Variants in CEP162 observed in about 807,000 individuals in gnomAD.
The protein encoded by CEP162 is centrosomal protein of 162 kDa.
In CEP162, 141 loss-of-function variants were observed where a neutral mutation model predicts 169.2. The observed-to-expected ratio is 0.83, with a 90% confidence interval of 0.73 to 0.96. The LOEUF is 0.96. CEP162 is among the 40% of genes least tolerant of loss of function. The probability of loss-of-function intolerance (pLI) is 0.00; values close to 1 mark genes in which losing one functional copy is unlikely to be tolerated. For missense variants in CEP162, 1,600 were observed against 1,587.2 expected, an observed-to-expected ratio of 1.01 and a Z score of -0.14; for synonymous variants, 540 against 526.4, an observed-to-expected ratio of 1.03 and a Z score of -0.35.
At position 84,160,833 on chromosome 6, in the gene CEP162, T is replaced by C. The variant is rs756425944; in HGVS notation, c.2760A>G (p.Lys920=). ...RLKDKAADAK[K]IQDLERQVKE... Reference sequence around the variant, plus strand: ...ATACTTGTCGCTCCAGATCCTGAATTTTTTTGGCATCTGCTGCTTTATCTT... The same window carrying C: ...ATACTTGTCGCTCCAGATCCTGAATCTTTTTGGCATCTGCTGCTTTATCTT... Residue 920 remains lysine, a synonymous_variant, in exon 21 of 27, where the codon AAA becomes AAG. Coordinates refer to ENST00000403245, the MANE Select transcript of CEP162 (RefSeq NM_014895.4). The C allele has an allele frequency of 6.2e-7, 1 of 1,610,792 alleles. No individual in the cohort carries two copies. The highest frequency in any genetic ancestry group is 8.5e-7 in the Non-Finnish European group (1 of 1,177,228).
rs577105847 is a variant in CEP162, at chr6:84,190,055, A to G, written c.1110-3432T>C. 2.8e-3 allele frequency among the ~76,000 whole-genome samples: 415 copies of G among 146,458 alleles called. 5 individuals are homozygous for G. The highest frequency in any genetic ancestry group is 9.7e-3 in the African/African-American group (370 of 38,288). ...CTCAAGGTTTGTGACTGCACCAATC[A>G]ACACTCTGTATCTAGCTGCTCTGGT... On this transcript the variant is annotated intron_variant, in intron 11 of 26. Transcript: ENST00000403245.
At position 84,194,894 on chromosome 6, in the gene CEP162, A is replaced by G. The variant is rs774857632; in HGVS notation, c.1017T>C (p.Thr339=). Residue 339 remains threonine (T), a synonymous_variant, in exon 10 of 27, where the codon ACT becomes ACC. Transcript: ENST00000403245. The part of the protein sequence containing the change: ...ENEENSKNIS[T]MESDLPTVEE... Reference sequence around the variant, plus strand: ...TCTGTAAGTTTTTACCAGATTCCATAGTAGAGATGTTTTTTGAATTCTCTT... The same window carrying G: ...TCTGTAAGTTTTTACCAGATTCCATGGTAGAGATGTTTTTTGAATTCTCTT... 15 of 1,605,978 alleles carry G rather than the reference A, an allele frequency of 9.3e-6. No homozygotes were observed. In the South Asian group the frequency reaches 1.6e-4, roughly 17 times the overall value.
intron 6 of CEP162, among the ~76,000 whole-genome samples, chr6:84,206,735 C>G (rs1211451871): frequency 6.6e-6 from 1 of 151,952 alleles, no homozygotes; most frequent in Non-Finnish European, 1.5e-5. Flanking sequence ...CTAATTAAAC[C>G]AAAGAGCTTC....
At chr6:84,205,149 A>C (rs562363479) in intron 6 of CEP162, among the ~76,000 whole-genome samples, 2 of 152,302 alleles carry the variant, frequency 1.3e-5, no homozygotes, top group East Asian at 3.9e-4. Flanking sequence ...AGAGGTACAA[A>C]GAGGAGCTGG....
At chr6:84,192,844 T>A (rs1436002594) in intron 11 of CEP162, among the ~76,000 whole-genome samples, 2 of 152,212 alleles carry the variant, frequency 1.3e-5, no homozygotes, top group Admixed American at 1.3e-4. Flanking sequence ...TTCTTGTCTA[T>A]GAAATAGGGA....
In CEP162 at chr6:84,174,169, G is replaced by A; in HGVS notation, c.2045C>T (p.Thr682Ile). The change falls in exon 16 of 27, where the codon ACA (threonine) becomes ATA (isoleucine). Residue 682 changes from threonine to isoleucine, a missense_variant. Transcript: ENST00000403245. ...LQAKLSSFEE[T>I]NKKQRWLHFG... Reference sequence around the variant, plus strand: ...ATGTAACCACCTTTGTTTTTTGTTTGTTTCTTCAAAGCTGCTTAACTTGGA... The same window carrying A: ...ATGTAACCACCTTTGTTTTTTGTTTATTTCTTCAAAGCTGCTTAACTTGGA... 6.2e-7 allele frequency: 1 copy of A among 1,605,862 alleles called. No homozygotes were observed. Among genetic ancestry groups the A allele is most frequent in the Middle Eastern group, 1.7e-4 (1 of 6,046 alleles).
At chr6:84,216,014 G>A in intron 3 of CEP162, 92 bp from the exon 4 acceptor site, 2 of 1,386,884 alleles carry the variant, frequency 1.4e-6, no homozygotes, top group Non-Finnish European at 1.9e-6. Flanking sequence ...TGCTAATTTT[G>A]TGCACAGTAG....
chr6:84,179,018 C>G (rs904597994), intron 13 of CEP162, among the ~76,000 whole-genome samples: 2 of 152,146 alleles, frequency 1.3e-5, no homozygotes, highest in Non-Finnish European at 2.9e-5. Flanking sequence ...GCATAGTATT[C>G]CATGGTGTAT....
intron 23 of CEP162, among the ~76,000 whole-genome samples, chr6:84,151,835 T>C (rs942782044): frequency 6.6e-6 from 1 of 151,820 alleles, no homozygotes; most frequent in African/African-American, 2.4e-5. Context: ...AAGGAGAAAA[T>C]GCCCCTGGAC....
At chr6:84,162,179 C>A (rs2129209836) in intron 19 of CEP162, among the ~76,000 whole-genome samples, 1 of 152,124 alleles carries the variant, frequency 6.6e-6, no homozygotes, top group South Asian at 2.1e-4. Flanking sequence ...TTTCCACTAA[C>A]CTTTTTAAAA....
intron 25 of CEP162, among the ~76,000 whole-genome samples, chr6:84,130,326 G>T (rs1342214292): frequency 1.3e-5 from 2 of 151,978 alleles, no homozygotes; most frequent in Admixed American, 6.6e-5. Context: ...TTCTTTTTTT[G>T]TTGTGTTTCT....
chr6:84,149,904 G>A (rs2129200519), intron 23 of CEP162, among the ~76,000 whole-genome samples: 1 of 152,186 alleles, frequency 6.6e-6, no homozygotes, highest in Non-Finnish European at 1.5e-5. Context: ...ACTATTTACT[G>A]AATTTTATAA....
intron 11 of CEP162, among the ~76,000 whole-genome samples, chr6:84,189,588 G>A (rs1172805522): frequency 2.0e-5 from 3 of 152,240 alleles, no homozygotes; most frequent in Non-Finnish European, 4.4e-5. Flanking sequence ...TTCTCGCCGG[G>A]CCTTAGCTGC....
chr6:84,137,387 A>G (rs984198205), intron 25 of CEP162, among the ~76,000 whole-genome samples: 1 of 152,222 alleles, frequency 6.6e-6, no homozygotes, highest in African/African-American at 2.4e-5. Flanking sequence ...CTATCTGTTC[A>G]TAAAACAACA....
rs897597043 is a variant in CEP162, at chr6:84,152,763, T to C, written c.3411A>G (p.Lys1137=). 3.7e-6 allele frequency: 6 copies of C among 1,613,296 alleles called. No individual in the cohort carries two copies. Among genetic ancestry groups the C allele is most frequent in the South Asian group, 1.1e-5 (1 of 91,064 alleles). The change falls in exon 23 of 27, where the codon AAA becomes AAG. Residue 1137 remains lysine (K), a synonymous_variant. Transcript: ENST00000403245. ...REEMSAKRAK[K]DVLHSSKGNA... ...TTCCTTTACTTGAGTGCAAAACATCTTTCTTTGCCCTTTTGGCAGACATTT... is the reference window on the plus strand; with the variant it reads ...TTCCTTTACTTGAGTGCAAAACATCCTTCTTTGCCCTTTTGGCAGACATTT...
At chr6:84,211,264 C>T (rs1278515632) in intron 6 of CEP162, among the ~76,000 whole-genome samples, 3 of 150,910 alleles carry the variant, frequency 2.0e-5, no homozygotes, top group Non-Finnish European at 4.4e-5. Flanking sequence ...CATGGTGGCT[C>T]ATGCCTGTAA....
At chr6:84,163,057 G>C in intron 19 of CEP162, 87 bp downstream of exon 19, 1 of 1,294,362 alleles carries the variant, frequency 7.7e-7, no homozygotes, top group Non-Finnish European at 1.1e-6. Flanking sequence ...GTAGCATTTT[G>C]ATTATACCAT....
intron 9 of CEP162, 37 bp from the exon 10 acceptor site, chr6:84,195,112 TCA>T (rs1304390766): frequency 1.4e-6 from 2 of 1,435,618 alleles, no homozygotes; most frequent in Admixed American, 4.9e-5. Flanking sequence ...AATAATTACA[TCA>T]CAAATACATG....
chr6:84,226,251 C>T (rs750128341), intron 2 of CEP162, 86 bp downstream of exon 2: 123 of 886,368 alleles, frequency 1.4e-4, no homozygotes, highest in Middle Eastern at 4.4e-4. Context: ...TGGTGATGGA[C>T]TAACTGTATC....
Sources: allele counts gnomAD v4.1 joint callset (sites outside exome capture counted in the v4.1 genomes callset), GRCh38; gene constraint gnomAD v4.1.1; transcripts MANE v1.5; gene names NCBI Gene and HGNC (gene_info 2026-07-23, HGNC 2026-07-21).